Variants in AFF1 observed in about 807,000 individuals in gnomAD.
The protein encoded by AFF1 is AF4/FMR2 family member 1.
Under a neutral mutation model 121.7 loss-of-function variants are expected in AFF1, and 48 were observed. The observed-to-expected ratio is 0.39, with a 90% confidence interval of 0.31 to 0.50. AFF1 has a LOEUF of 0.50. AFF1 is among the 20% of genes least tolerant of loss of function. AFF1 has a pLI of 0.76. For missense variants in AFF1, 1,523 were observed against 1,511.7 expected (o/e 1.01, Z -0.12); for synonymous variants, 613 against 563.0 (o/e 1.09, Z -1.26).
chr4:86,949,695 G>C lies in AFF1; in HGVS notation c.38+1124G>C. ...AGCAGGAAGGGGATGATGGGCATGC[G>C]CAGGGGCGGGTAGTCCCGGAACTCC... On this transcript the variant is annotated intron_variant, in intron 2 of 20. Coordinates refer to ENST00000395146, the MANE Select transcript of AFF1 (RefSeq NM_001166693.3). 7 of 1,574,426 alleles carry C rather than the reference G, an allele frequency of 4.4e-6. 1 individual carries two copies. In the East Asian group the frequency reaches 1.2e-4, roughly 26 times the overall value.
chr4:87,004,738 C>T (rs1179081974), intron 2 of AFF1, among the ~76,000 whole-genome samples: 1 of 152,158 alleles, frequency 6.6e-6, no homozygotes, highest in Non-Finnish European at 1.5e-5. Flanking sequence ...GATGCCCAAC[C>T]CAAACAGATT....
intron 4 of AFF1, among the ~76,000 whole-genome samples, chr4:87,076,497 A>C (rs1722687269): frequency 6.6e-6 from 1 of 152,242 alleles, no homozygotes; most frequent in African/African-American, 2.4e-5. Context: ...GGATTAGATG[A>C]AGTGTAGCTA....
chr4:87,063,858 A>G (rs1369812040), intron 4 of AFF1, among the ~76,000 whole-genome samples: 1 of 152,220 alleles, frequency 6.6e-6, no homozygotes, highest in Non-Finnish European at 1.5e-5. Flanking sequence ...ATCTTCAAGT[A>G]GTCTGTATAG....
intron 8 of AFF1, among the ~76,000 whole-genome samples, chr4:87,099,171 TCTAA>T (rs1443095671): frequency 1.3e-5 from 2 of 152,196 alleles, no homozygotes; most frequent in African/African-American, 2.4e-5. Flanking sequence ...CAATGGCAGG[TCTAA>T]CTGAGAGTAC....
chr4:86,973,005 A>G (rs1229856443), intron 2 of AFF1, among the ~76,000 whole-genome samples: 2 of 152,196 alleles, frequency 1.3e-5, no homozygotes, highest in African/African-American at 2.4e-5. Flanking sequence ...AGGGTGAACA[A>G]GAAAAGGAAA....
At chr4:86,948,385 A>G (rs1721019000) in intron 1 of AFF1, 113 bp from the exon 2 acceptor site, 4 of 670,890 alleles carry the variant, frequency 6.0e-6, no homozygotes, top group Non-Finnish European at 2.4e-6. Flanking sequence ...CCATTTTCTA[A>G]TTCAAATGAG....
At chr4:86,965,942 A>G (rs1221469806) in intron 2 of AFF1, among the ~76,000 whole-genome samples, 2 of 152,212 alleles carry the variant, frequency 1.3e-5, no homozygotes, top group Non-Finnish European at 2.9e-5. Context: ...TGTATGAAAT[A>G]AAGTAGTTTC....
At chr4:86,986,069 T>TTAATG (rs1303571728) in intron 2 of AFF1, among the ~76,000 whole-genome samples, 1 of 145,758 alleles carries the variant, frequency 6.9e-6, no homozygotes, top group Admixed American at 6.8e-5. Context: ...TTAATTTAAT[T>TTAATG]TAATTTAATT....
At chr4:86,998,098 CAAAAAAAAAAAAAAA>C (rs56741955) in intron 2 of AFF1, among the ~76,000 whole-genome samples, 4 of 91,746 alleles carry the variant, frequency 4.4e-5, no homozygotes, top group Admixed American at 1.2e-4. Context: ...AACTCCGTCT[CAAAAAAAAAAAAAAA>C]AAAAAAAAAA....
At chr4:87,046,056 G>C in intron 2 of AFF1, 110 bp from the exon 3 acceptor site, 1 of 1,340,136 alleles carries the variant, frequency 7.5e-7, no homozygotes, top group South Asian at 1.4e-5. Flanking sequence ...CGTCATCACT[G>C]CTTCTTCCCA....
chr4:87,054,770 G>C (rs1719930508), intron 4 of AFF1, among the ~76,000 whole-genome samples: 1 of 152,166 alleles, frequency 6.6e-6, no homozygotes, highest in Non-Finnish European at 1.5e-5. Flanking sequence ...TCTAAATATA[G>C]AAGTTTTAAA....
chr4:87,128,053 G>T (rs1728472370), intron 16 of AFF1, among the ~76,000 whole-genome samples: 1 of 152,146 alleles, frequency 6.6e-6, no homozygotes, highest in African/African-American at 2.4e-5. Flanking sequence ...TAATGCATAG[G>T]TGCCTTTTTA....
Position 87,131,828 on chromosome 4 carries a change from C to T in AFF1, c.3137C>T (p.Thr1046Ile). 1.9e-6 allele frequency: 3 copies of T among 1,594,994 alleles called. No individual in the cohort carries two copies. Among genetic ancestry groups the T allele is most frequent in the Non-Finnish European group, 2.6e-6 (3 of 1,174,920 alleles). The change falls in exon 18 of 21, where the codon ACA (threonine) becomes ATA (isoleucine). Residue 1046 changes from threonine to isoleucine, a missense_variant. By Grantham distance (89) the Thr-to-Ile change is moderately conservative. Around this residue, in one of 5 missense-constraint regions of AFF1, gnomAD observed 241 missense variants for 265.2 expected, o/e 0.91. Transcript: ENST00000395146. ...IMSLKSFSDATAPTQEKIFAV... is the reference protein window; with the variant it reads ...IMSLKSFSDAIAPTQEKIFAV... Reference sequence around the variant, plus strand: ...TCATTAAAATCCTTCTCAGATGCCACAGCGCCAACACAAGAGAAAATATTT... The same window carrying T: ...TCATTAAAATCCTTCTCAGATGCCATAGCGCCAACACAAGAGAAAATATTT...
intron 4 of AFF1, among the ~76,000 whole-genome samples, chr4:87,056,043 C>G (rs936000227): frequency 1.3e-5 from 2 of 152,082 alleles, no homozygotes; most frequent in Non-Finnish European, 2.9e-5. Context: ...TTCTCTTGAA[C>G]TTCATTTCAT....
intron 2 of AFF1, among the ~76,000 whole-genome samples, chr4:86,988,814 A>C (rs945766856): frequency 6.6e-6 from 1 of 152,224 alleles, no homozygotes; most frequent in African/African-American, 2.4e-5. Flanking sequence ...TAACCAAAAC[A>C]GCATGATTCT....
At chr4:86,961,923 C>T (rs1357580333) in intron 2 of AFF1, among the ~76,000 whole-genome samples, 7 of 152,074 alleles carry the variant, frequency 4.6e-5, no homozygotes, top group South Asian at 4.1e-4. Flanking sequence ...CCGCAGAGCA[C>T]TTGGTAAACG....
At chr4:87,008,179 T>A (rs1408888307) in intron 2 of AFF1, among the ~76,000 whole-genome samples, 1 of 152,204 alleles carries the variant, frequency 6.6e-6, no homozygotes, top group African/African-American at 2.4e-5. Context: ...TAAGGGAGAC[T>A]TAGGAGTTAT....
intron 16 of AFF1, among the ~76,000 whole-genome samples, chr4:87,130,329 C>G (rs1395228935): frequency 6.6e-6 from 1 of 152,170 alleles, no homozygotes; most frequent in Non-Finnish European, 1.5e-5. Flanking sequence ...ATTACAAATG[C>G]TAATCAGTTG....
chr4:87,019,890 G>GC (rs67832418), intron 2 of AFF1, among the ~76,000 whole-genome samples: 1 of 117,544 alleles, frequency 8.5e-6, no homozygotes, highest in African/African-American at 2.8e-5. Context: ...GGGTCGGGGG[G>GC]GGGCAGTCTT....
Sources: gnomAD v4.1 joint callset for allele counts (sites outside exome capture counted in the v4.1 genomes callset) on GRCh38, gnomAD v4.1.1 for gene constraint, gnomAD v4.1.1 regional missense constraint, MANE v1.5 for transcripts, NCBI Gene and HGNC (gene_info 2026-07-23, HGNC 2026-07-21) for gene names.